Variants in PEX5L observed in about 807,000 individuals in gnomAD.
PEX5L encodes peroxisomal biogenesis factor 5 like.
In PEX5L, 30 loss-of-function variants were observed where a neutral mutation model predicts 84.0. The observed-to-expected ratio is 0.36, with a 90% CI of 0.27 to 0.48. PEX5L has a LOEUF of 0.48. Ranked by LOEUF, PEX5L falls within the 20% of genes least tolerant of loss-of-function variation. The pLI is 0.99. For missense variants in PEX5L, 533 were observed against 754.6 expected, an observed-to-expected ratio of 0.71 and a Z score of 3.44; for synonymous variants, 270 against 283.1, an observed-to-expected ratio of 0.95 and a Z score of 0.46.
chr3:179,960,347 A>G (rs6782786), intron 2 of PEX5L, among the ~76,000 whole-genome samples: 115,450 of 152,214 alleles, frequency 0.76, 44,142 homozygotes, highest in East Asian at 0.96. Context: ...GGTGTTCAGT[A>G]TGAATGGGGC....
At position 179,798,011 on chromosome 3, in the gene PEX5L, T is replaced by TAA. The variant is rs1031506140; in HGVS notation, c.*3815_*3816dup. 7 of 152,206 alleles carry TAA rather than the reference T, an allele frequency of 4.6e-5. No individual in the cohort carries two copies. The highest frequency in any genetic ancestry group is 7.3e-5 in the Non-Finnish European group (5 of 68,038). The allele number at this position is 152,206 out of a possible 1,614,324, so 9.4% of individuals were successfully genotyped here. A position where few individuals can be genotyped will look rare whatever the true frequency, so the allele number is the denominator to read the frequency against. ...CCAAGCTCACAGACAAAGTTTATGA[T>TAA]AAAGAGTTTGGAAGCTTTTATTATA... On this transcript the variant is annotated 3_prime_UTR_variant, in exon 15 of 15. Coordinates refer to ENST00000467460, the MANE Select transcript of PEX5L (RefSeq NM_016559.3).
At chr3:179,919,859 T>A (rs377524383) in intron 2 of PEX5L, among the ~76,000 whole-genome samples, 20 of 152,090 alleles carry the variant, frequency 1.3e-4, no homozygotes, top group East Asian at 7.7e-4. Flanking sequence ...TGTGCCACCA[T>A]GCTCAGCTAA....
chr3:179,943,761 G>A (rs982632670), intron 2 of PEX5L, among the ~76,000 whole-genome samples: 2 of 152,180 alleles, frequency 1.3e-5, no homozygotes, highest in African/African-American at 4.8e-5. Flanking sequence ...AGATGCTCAA[G>A]TCAGACAAAG....
At chr3:179,940,437 C>G (rs577004415) in intron 2 of PEX5L, among the ~76,000 whole-genome samples, 19 of 152,196 alleles carry the variant, frequency 1.2e-4, no homozygotes, top group Middle Eastern at 6.8e-3. Context: ...AAGAGACCTA[C>G]AGAAGGCTTT....
In PEX5L at chr3:180,036,578, C is replaced by A; in HGVS notation, c.21+1G>T. 6.2e-7 allele frequency: 1 copy of A among 1,614,042 alleles called. No homozygotes were observed. The highest frequency in any genetic ancestry group is 8.5e-7 in the Non-Finnish European group (1 of 1,179,850). ...TCTCCAGCCCTATAGAAATGTCTTA[C>A]CTGCATGTGTCCCTGGTACATTCTG... On this transcript the variant is annotated splice_donor_variant, in intron 1 of 14. Coordinates refer to ENST00000467460, the MANE Select transcript of PEX5L (RefSeq NM_016559.3). LOFTEE classifies it high-confidence loss of function.
At chr3:179,887,299 C>T (rs1273978795) in intron 4 of PEX5L, among the ~76,000 whole-genome samples, 1 of 152,094 alleles carries the variant, frequency 6.6e-6, no homozygotes, top group African/African-American at 2.4e-5. Context: ...TACTGGACTT[C>T]CGTTATACAA....
intron 2 of PEX5L, among the ~76,000 whole-genome samples, chr3:179,961,083 C>T (rs1373412241): frequency 8.9e-5 from 1 of 11,268 alleles, no homozygotes; most frequent in Non-Finnish European, 1.7e-4. Context: ...CATTCTCTCA[C>T]CATTTCCATT....
intron 2 of PEX5L, among the ~76,000 whole-genome samples, chr3:179,948,946 G>C (rs995912456): frequency 6.6e-6 from 1 of 152,192 alleles, no homozygotes; most frequent in African/African-American, 2.4e-5. Flanking sequence ...CGTGCAAAGA[G>C]ACTTTAATAA....
intron 12 of PEX5L, among the ~76,000 whole-genome samples, chr3:179,808,990 C>T (rs978575558): frequency 3.1e-5 from 4 of 129,050 alleles, no homozygotes; most frequent in Middle Eastern, 4.7e-3. Context: ...AGGAGAATGG[C>T]GTGAACCCGG....
chr3:179,900,695 T>TGAAGACAGTGCCACTTTTTC (rs1312365416), intron 2 of PEX5L: 6 of 1,535,754 alleles, frequency 3.9e-6, no homozygotes, highest in African/African-American at 1.4e-5. Flanking sequence ...GTCACTTTTT[T>TGAAGACAGTGCCACTTTTTC]GAAGACAGTG....
At chr3:179,882,870 C>G (rs185889604) in intron 4 of PEX5L, among the ~76,000 whole-genome samples, 2 of 151,822 alleles carry the variant, frequency 1.3e-5, no homozygotes, top group African/African-American at 4.8e-5. Flanking sequence ...GAGGATCGCT[C>G]GAAGCCAGGA....
chr3:179,961,862 T>C (rs1308503886), intron 2 of PEX5L, among the ~76,000 whole-genome samples: 1 of 152,138 alleles, frequency 6.6e-6, no homozygotes, highest in Non-Finnish European at 1.5e-5. Flanking sequence ...CGGATGGGCC[T>C]GAAAGCTGAA....
chr3:179,831,946 G>A (rs145918320), intron 8 of PEX5L, among the ~76,000 whole-genome samples: 1 of 152,252 alleles, frequency 6.6e-6, no homozygotes, highest in East Asian at 1.9e-4. Flanking sequence ...GAATAAGCTT[G>A]GACTTTGTTC....
chr3:179,871,812 G>A (rs939760292), intron 7 of PEX5L, among the ~76,000 whole-genome samples: 6 of 152,166 alleles, frequency 3.9e-5, no homozygotes, highest in Admixed American at 3.9e-4. Context: ...AGCCTACTCT[G>A]GCTCAGCAGG....
intron 2 of PEX5L, among the ~76,000 whole-genome samples, chr3:179,906,383 G>C (rs1433855380): frequency 6.6e-6 from 1 of 152,152 alleles, no homozygotes; most frequent in East Asian, 1.9e-4. Context: ...AGTTACTAGA[G>C]ATTATTTTAT....
At chr3:180,018,347 T>A (rs949484771) in intron 1 of PEX5L, among the ~76,000 whole-genome samples, 1 of 152,202 alleles carries the variant, frequency 6.6e-6, no homozygotes, top group African/African-American at 2.4e-5. Context: ...AGCCAGTGAA[T>A]ATCTCATGTA....
At chr3:179,886,109 T>C in intron 4 of PEX5L, among the ~76,000 whole-genome samples, 1 of 152,252 alleles carries the variant, frequency 6.6e-6, no homozygotes, top group East Asian at 1.9e-4. Context: ...GGATCCTTTC[T>C]AAGTGACTTA....
intron 3 of PEX5L, among the ~76,000 whole-genome samples, chr3:179,896,441 C>T (rs913683125): frequency 1.1e-4 from 17 of 152,068 alleles, no homozygotes; most frequent in Non-Finnish European, 2.4e-4. Flanking sequence ...AAAGGAAGAA[C>T]TTGGTACAAA....
At chr3:179,959,573 C>CT (rs765340087) in intron 2 of PEX5L, among the ~76,000 whole-genome samples, 82 of 151,926 alleles carry the variant, frequency 5.4e-4, no homozygotes, top group Non-Finnish European at 1.1e-3. Context: ...TGTATTTTTT[C>CT]TTTTTTTTGA....
Sources: gnomAD v4.1 joint callset for allele counts (sites outside exome capture counted in the v4.1 genomes callset) on GRCh38, gnomAD v4.1.1 for gene constraint, MANE v1.5 for transcripts, NCBI Gene and HGNC (gene_info 2026-07-23, HGNC 2026-07-21) for gene names.